IGSF5: variants seen among roughly 807,000 people sequenced by gnomAD.
IGSF5 encodes immunoglobulin superfamily 5 like.
Under a neutral mutation model 39.4 loss-of-function variants are expected in IGSF5, and 41 were observed. The ratio of observed to expected loss-of-function variants is 1.04; its 90% CI spans 0.81 to 1.35. IGSF5 has a LOEUF of 1.35. Among genes scored for constraint, IGSF5 ranks in the 40% most tolerant of loss-of-function variants. IGSF5 has a pLI of 0.00. For missense variants in IGSF5, 487 were observed against 494.6 expected, an observed-to-expected ratio of 0.98 and a Z score of 0.15; for synonymous variants, 183 against 175.3, an observed-to-expected ratio of 1.04 and a Z score of -0.34.
At chr21:39,783,094 C>T (rs1020257251) in intron 5 of IGSF5, among the ~76,000 whole-genome samples, 4 of 152,128 alleles carry the variant, frequency 2.6e-5, no homozygotes, top group Middle Eastern at 3.2e-3. Flanking sequence ...ATTGCGTACA[C>T]GTGCCACATT....
At chr21:39,719,655 T>C in the IGSF5 span, among the ~76,000 whole-genome samples, 1 of 152,226 alleles carries the variant, frequency 6.6e-6, no homozygotes, top group Non-Finnish European at 1.5e-5. Context: ...GTGCATGCAA[T>C]ATACACCAAT....
At chr21:39,724,319 G>A in the IGSF5 span, among the ~76,000 whole-genome samples, 1 of 152,096 alleles carries the variant, frequency 6.6e-6, no homozygotes. Flanking sequence ...CTAAATTCTA[G>A]CTACTGTGTT....
At chr21:39,745,893 T>G (rs1166963700) in intron 1 of IGSF5, among the ~76,000 whole-genome samples, 4 of 149,728 alleles carry the variant, frequency 2.7e-5, no homozygotes, top group Non-Finnish European at 4.5e-5. Flanking sequence ...GGATGTCCCT[T>G]CGTGGTTGCC....
chr21:39,743,417 G>A (rs958864831), upstream of IGSF5, among the ~76,000 whole-genome samples: 8 of 152,224 alleles, frequency 5.3e-5, no homozygotes, highest in Admixed American at 5.2e-4. Context: ...AGGGTTATCT[G>A]AGAATTTACC....
rs140251916 is a variant in IGSF5, at chr21:39,771,126, A to G, written c.629A>G (p.Asn210Ser). The G allele has an allele frequency of 1.5e-5, 24 of 1,611,928 alleles. No individual in the cohort carries two copies. The highest frequency in any genetic ancestry group is 2.7e-5 in the African/African-American group (2 of 74,906). The change falls in exon 4 of 9, where the codon AAT becomes AGT. Residue 210 changes from asparagine (N) to serine (S), a missense_variant. Asn to Ser is a conservative substitution (Grantham distance 46, BLOSUM62 1). Coordinates refer to ENST00000380588, the MANE Select transcript of IGSF5 (RefSeq NM_001080444.2). Reference sequence around the variant, plus strand: ...ATCCTGGCTCTGACCCCACAGAGCAATGGGACTTTGACTTGCGTGGCTACC... The same window carrying G: ...ATCCTGGCTCTGACCCCACAGAGCAGTGGGACTTTGACTTGCGTGGCTACC... ...VSILALTPQS[N>S]GTLTCVATWK...
chr21:39,741,217 G>A (rs1421032395), upstream of IGSF5, among the ~76,000 whole-genome samples: 5 of 152,096 alleles, frequency 3.3e-5, no homozygotes, highest in Non-Finnish European at 4.4e-5. Flanking sequence ...TCTGCTTCAG[G>A]TGTCCATCTT....
chr21:39,774,613 C>T (rs1436426936), intron 4 of IGSF5, among the ~76,000 whole-genome samples: 3 of 152,166 alleles, frequency 2.0e-5, no homozygotes, highest in Admixed American at 2.0e-4. Flanking sequence ...GCATTGCAGA[C>T]GTATCCAAAA....
intron 2 of IGSF5, chr21:39,751,121 C>A (rs1299721429): frequency 6.6e-6 from 1 of 152,274 alleles, no homozygotes; most frequent in Non-Finnish European, 1.5e-5. Flanking sequence ...GACTGTGAGG[C>A]CACATCTGCA....
chr21:39,720,524 T>C, the IGSF5 span, among the ~76,000 whole-genome samples: 1 of 152,126 alleles, frequency 6.6e-6, no homozygotes, highest in African/African-American at 2.4e-5. Context: ...CAAATCTCAA[T>C]TGAGAAACAT....
chr21:39,712,448 G>T, the IGSF5 span, among the ~76,000 whole-genome samples: 1 of 152,166 alleles, frequency 6.6e-6, no homozygotes, highest in African/African-American at 2.4e-5. Context: ...ACTCCCACCA[G>T]GATATGAGTT....
chr21:39,734,290 G>A, the IGSF5 span, among the ~76,000 whole-genome samples: 1 of 151,768 alleles, frequency 6.6e-6, no homozygotes, highest in Non-Finnish European at 1.5e-5. Context: ...AGGCATTGTG[G>A]CACGTACCTG....
the IGSF5 span, among the ~76,000 whole-genome samples, chr21:39,719,874 C>T: frequency 7.2e-5 from 11 of 152,348 alleles, no homozygotes; most frequent in South Asian, 2.3e-3. Flanking sequence ...ACTGGCAACA[C>T]CCTGGGCCAA....
chr21:39,768,893 C>T (rs139208409), intron 3 of IGSF5, among the ~76,000 whole-genome samples: 2 of 152,286 alleles, frequency 1.3e-5, no homozygotes, highest in African/African-American at 4.8e-5. Context: ...TTGATGTACC[C>T]TGAGATCCTT....
chr21:39,762,973 G>A (rs2080068612), intron 2 of IGSF5, among the ~76,000 whole-genome samples: 1 of 152,142 alleles, frequency 6.6e-6, no homozygotes, highest in African/African-American at 2.4e-5. Flanking sequence ...GCTCTATAAA[G>A]CAAAAGGGAG....
intron 2 of IGSF5, among the ~76,000 whole-genome samples, chr21:39,752,848 C>CT (rs930723034): frequency 1.4e-4 from 21 of 148,904 alleles, no homozygotes; most frequent in African/African-American, 3.7e-4. Context: ...TAGACTTATT[C>CT]TTTTTTTTTT....
chr21:39,735,381 G>A, the IGSF5 span, among the ~76,000 whole-genome samples: 4 of 152,136 alleles, frequency 2.6e-5, no homozygotes, highest in East Asian at 1.9e-4. Context: ...GGGTGCTACT[G>A]AAATTACAAA....
intron 2 of IGSF5, among the ~76,000 whole-genome samples, chr21:39,757,271 G>A (rs1427206874): frequency 7.5e-5 from 2 of 26,620 alleles, no homozygotes; most frequent in East Asian, 2.8e-3. Flanking sequence ...TTATTCATTC[G>A]GTTGCCTTTC....
chr21:39,771,752 C>T (rs77219110), intron 4 of IGSF5, among the ~76,000 whole-genome samples: 6,170 of 152,254 alleles, frequency 0.041, 421 homozygotes, highest in African/African-American at 0.14. Flanking sequence ...TTTAGATCCC[C>T]CTAAAGAATC....
Position 39,770,961 on chromosome 21 carries a change from A to G in IGSF5, c.464A>G (p.Glu155Gly). 1 of 1,603,466 alleles carries G rather than the reference A, an allele frequency of 6.2e-7. No individual in the cohort carries two copies. Among genetic ancestry groups the G allele is most frequent in the Non-Finnish European group, 8.5e-7 (1 of 1,174,300 alleles). The change falls in exon 4 of 9, where the codon GAG becomes GGG. Residue 155 changes from glutamate (E) to glycine (G), a missense_variant. By Grantham distance (98) the Glu-to-Gly change is moderately conservative (BLOSUM62 -2). Coordinates refer to ENST00000380588, the MANE Select transcript of IGSF5 (RefSeq NM_001080444.2). ...CCCAGTGTTAATCTTGTAGTCGCTGAGAATGAACCTTGTGAAGTTACTTGT... is the reference window on the plus strand; with the variant it reads ...CCCAGTGTTAATCTTGTAGTCGCTGGGAATGAACCTTGTGAAGTTACTTGT... ...FIPSVNLVVA[E>G]NEPCEVTCLP...
Sources: gnomAD v4.1 joint callset for allele counts (sites outside exome capture counted in the v4.1 genomes callset) on GRCh38, gnomAD v4.1.1 for gene constraint, MANE v1.5 for transcripts, NCBI Gene and HGNC (gene_info 2026-07-23, HGNC 2026-07-21) for gene names.